The following ANO1 variants were observed in gnomAD, a reference collection of about 807,000 sequenced individuals.
ANO1 encodes the protein anoctamin-1.
A neutral mutation model predicts 124.0 loss-of-function variants in ANO1; 59 were observed. That is an observed-to-expected ratio of 0.48 (90% CI 0.39 to 0.59). The LOEUF (loss-of-function observed/expected upper bound fraction) is 0.59, where lower values mean the gene tolerates loss of function less well. Ranked by LOEUF, ANO1 falls within the 20% of genes least tolerant of loss-of-function variation. The pLI is 0.00. For missense variants in ANO1, 1,059 were observed against 1,328.0 expected, an observed-to-expected ratio of 0.80 and a Z score of 3.15; for synonymous variants, 529 against 532.0, an observed-to-expected ratio of 0.99 and a Z score of 0.08.
At chr11:70,170,587 TCA>T (rs2048423329) in intron 21 of ANO1, among the ~76,000 whole-genome samples, 1 of 152,106 alleles carries the variant, frequency 6.6e-6, no homozygotes. Flanking sequence ...CGAGACTATC[TCA>T]CAAAAGATTA....
intron 14 of ANO1, among the ~76,000 whole-genome samples, chr11:70,154,347 T>C (rs1011635218): frequency 9.2e-5 from 14 of 151,928 alleles, no homozygotes; most frequent in Non-Finnish European, 1.9e-4. Flanking sequence ...CAAAATCCCA[T>C]CTGGAGGGTA....
At chr11:70,114,397 T>C (rs2045900587) in intron 7 of ANO1, among the ~76,000 whole-genome samples, 1 of 152,248 alleles carries the variant, frequency 6.6e-6, no homozygotes, top group Non-Finnish European at 1.5e-5. Context: ...GGTTCTGGCC[T>C]GAGCCGCGTG....
intron 2 of ANO1, among the ~76,000 whole-genome samples, chr11:70,100,203 T>C (rs2045207808): frequency 6.6e-6 from 1 of 152,146 alleles, no homozygotes. Flanking sequence ...CACAAAGCCC[T>C]GCAGGACCGC....
At chr11:69,968,750 G>C in the ANO1 span, among the ~76,000 whole-genome samples, 5 of 152,214 alleles carry the variant, frequency 3.3e-5, no homozygotes, top group African/African-American at 1.2e-4. Context: ...AAGGGCAGAG[G>C]GGGCTCAGAG....
At chr11:70,158,012 GTTTAT>G (rs1191435617) in intron 16 of ANO1, among the ~76,000 whole-genome samples, 2 of 147,128 alleles carry the variant, frequency 1.4e-5, no homozygotes, top group Non-Finnish European at 3.0e-5. Flanking sequence ...ACCTGTTTAT[GTTTAT>G]TTTGTGACCA....
Position 70,083,800 on chromosome 11 carries a change from C to A in ANO1, c.109-3952C>A, listed in dbSNP as rs531402504. Among the ~76,000 whole-genome samples, 36 of 152,286 alleles carry A rather than the reference C, an allele frequency of 2.4e-4. 1 individual carries two copies. Among genetic ancestry groups the A allele is most frequent in the Middle Eastern group, 3.4e-3 (1 of 294 alleles). On this transcript the variant is annotated intron_variant, in intron 1 of 25. Coordinates refer to ENST00000355303, the MANE Select transcript of ANO1 (RefSeq NM_018043.7). ...CTGTCCTAACACATCTCTAGACAGT[C>A]CCTGGCCAGGCCTCCGGGGTCCTGC... is the stretch of plus-strand genomic sequence containing the variant.
intron 11 of ANO1, among the ~76,000 whole-genome samples, chr11:70,147,763 T>C (rs1202352846): frequency 6.6e-6 from 1 of 152,128 alleles, no homozygotes; most frequent in African/African-American, 2.4e-5. Context: ...CCCAGCTTCT[T>C]CTGGGCAGCT....
At chr11:69,990,894 T>C (rs1167068669) in intron 1 of ANO1, among the ~76,000 whole-genome samples, 1 of 152,230 alleles carries the variant, frequency 6.6e-6, no homozygotes, top group African/African-American at 2.4e-5. Context: ...TTTGCAAATA[T>C]CTTCTCCCAT....
intron 8 of ANO1, among the ~76,000 whole-genome samples, chr11:70,119,979 G>A (rs892936255): frequency 6.6e-6 from 1 of 152,088 alleles, no homozygotes; most frequent in Non-Finnish European, 1.5e-5. Context: ...AGAGCTGCAG[G>A]GAACTCTGCA....
intron 1 of ANO1, among the ~76,000 whole-genome samples, chr11:70,000,760 T>C (rs1591025724): frequency 6.6e-6 from 1 of 152,122 alleles, no homozygotes; most frequent in African/African-American, 2.4e-5. Flanking sequence ...GCAGAGACTG[T>C]CCACACTCAG....
intron 12 of ANO1, 93 bp from the exon 13 acceptor site, chr11:70,152,357 A>AAATT: frequency 1.4e-5 from 13 of 922,330 alleles, no homozygotes; most frequent in Non-Finnish European, 2.1e-5. Flanking sequence ...AAAAAAAAAA[A>AAATT]GTTGTCCTTA....
chr11:69,973,649 G>A, the ANO1 span, among the ~76,000 whole-genome samples: 1 of 152,054 alleles, frequency 6.6e-6, no homozygotes, highest in Non-Finnish European at 1.5e-5. Context: ...CGAAGCGGGT[G>A]GATCACAAGG....
intron 1 of ANO1, among the ~76,000 whole-genome samples, chr11:70,070,716 T>C (rs1355295253): frequency 6.6e-6 from 1 of 152,046 alleles, no homozygotes; most frequent in African/African-American, 2.4e-5. Flanking sequence ...GGTAAGTAAG[T>C]GGGGAATGGG....
chr11:70,009,735 T>C (rs1856556109), intron 1 of ANO1, among the ~76,000 whole-genome samples: 1 of 152,118 alleles, frequency 6.6e-6, no homozygotes, highest in Admixed American at 6.5e-5. Context: ...CAGATAAATA[T>C]GAGAGAGAAA....
Position 70,124,263 on chromosome 11 carries a change from G to A in ANO1, c.898-87G>A, listed in dbSNP as rs75507787. ...TTATGGGATGAATGAATGATGTCACGGAGGCTCAGTCCCCGCAGCTCTGCG... is the reference window on the plus strand; with the variant it reads ...TTATGGGATGAATGAATGATGTCACAGAGGCTCAGTCCCCGCAGCTCTGCG... On this transcript the variant is annotated intron_variant, in intron 8 of 25. Transcript: ENST00000355303. 2,749 of 1,243,758 alleles carry A rather than the reference G, an allele frequency of 2.2e-3. 43 individuals carry two copies. In the African/African-American group the frequency reaches 0.037, roughly 17 times the overall value. 77.0% of individuals were successfully genotyped at this position (1,243,758 alleles called of 1,614,324 possible). A position where few individuals can be genotyped will look rare whatever the true frequency, so the allele number is the denominator to read the frequency against.
At chr11:70,046,720 A>C (rs1555005690) in intron 1 of ANO1, among the ~76,000 whole-genome samples, 2 of 152,106 alleles carry the variant, frequency 1.3e-5, no homozygotes, top group African/African-American at 4.8e-5. Context: ...CTTCTTGGCC[A>C]AAAATGATGC....
chr11:69,978,719 T>G, the ANO1 span, among the ~76,000 whole-genome samples: 3 of 152,230 alleles, frequency 2.0e-5, no homozygotes, highest in Admixed American at 6.5e-5. Flanking sequence ...TCTTGAGTCA[T>G]TCTCCCATGG....
upstream of ANO1, among the ~76,000 whole-genome samples, chr11:69,982,176 T>A (rs932792330): frequency 1.1e-4 from 17 of 152,202 alleles, no homozygotes; most frequent in African/African-American, 4.1e-4. Flanking sequence ...TTTTATCTTA[T>A]GTGAATGTCA....
In ANO1 at chr11:70,156,932, T is replaced by C; in HGVS notation, c.1504-15T>C. ...GATGGTTCCAGACAGTGACCGGCAT[T>C]GTTTTGTGTTGTAGACTGACAAAGT... On this transcript the variant is annotated splice_polypyrimidine_tract_variant and intron_variant, in intron 15 of 25. Coordinates refer to ENST00000355303, the MANE Select transcript of ANO1 (RefSeq NM_018043.7). 1.2e-6 allele frequency: 2 copies of C among 1,612,518 alleles called. No individual in the cohort carries two copies. Among genetic ancestry groups the C allele is most frequent in the Non-Finnish European group, 1.7e-6 (2 of 1,179,082 alleles).
Sources: allele counts gnomAD v4.1 joint callset (sites outside exome capture counted in the v4.1 genomes callset), GRCh38; gene constraint gnomAD v4.1.1; transcripts MANE v1.5; gene names NCBI Gene and HGNC (gene_info 2026-07-23, HGNC 2026-07-21).